Variants in CTNND2 observed in about 807,000 individuals in gnomAD.
CTNND2 encodes catenin delta 2.
CTNND2 carries 22 observed loss-of-function variants against 144.4 expected under a neutral mutation model. The observed-to-expected ratio is 0.15, with a 90% confidence interval of 0.11 to 0.22. The LOEUF (loss-of-function observed/expected upper bound fraction) is 0.22. Ranked by LOEUF, CTNND2 falls within the 10% of genes least tolerant of loss-of-function variation. The pLI is 1.00. For synonymous variants in CTNND2, 751 were observed against 695.6 expected (o/e 1.08, Z -1.25); for missense variants, 1,353 against 1,618.8 (o/e 0.84, Z 2.82).
At chr5:11,592,228 C>T (rs1779290513) in intron 2 of CTNND2, among the ~76,000 whole-genome samples, 1 of 144,400 alleles carries the variant, frequency 6.9e-6, no homozygotes, top group Admixed American at 6.9e-5. Context: ...GTCTGCCTTC[C>T]TGCCTGCCTG....
At position 11,570,731 on chromosome 5, in the gene CTNND2, A is replaced by T. The variant is rs141256327; in HGVS notation, c.175-5675T>A. 6.3e-3 allele frequency among the ~76,000 whole-genome samples: 964 copies of T among 152,030 alleles called. 4 individuals carry two copies. Among genetic ancestry groups the T allele is most frequent in the Admixed American group, 9.3e-3 (142 of 15,272 alleles). Reference sequence around the variant, plus strand: ...TATCTTGATATACCTCTATTTTTAGACATGTTTGCTGGATATTTTGTGATC... The same window carrying T: ...TATCTTGATATACCTCTATTTTTAGTCATGTTTGCTGGATATTTTGTGATC... On this transcript the variant is annotated intron_variant, in intron 2 of 21. Transcript: ENST00000304623.
Position 11,199,513 on chromosome 5 carries a change from C to A in CTNND2, c.1910G>T (p.Gly637Val). 6.2e-7 allele frequency: 1 copy of A among 1,614,210 alleles called. No homozygotes were observed. The highest frequency in any genetic ancestry group is 8.5e-7 in the Non-Finnish European group (1 of 1,180,038). ...DNKIALKNCG[G>V]IPALVRLLRK... Reference sequence around the variant, plus strand: ...GAGTAACCTCACCAGTGCTGGGATGCCACCACAGTTTTTCAGGGCAATTTT... The same window carrying A: ...GAGTAACCTCACCAGTGCTGGGATGACACCACAGTTTTTCAGGGCAATTTT... The change falls in exon 11 of 22, where the codon GGC becomes GTC. Residue 637 changes from glycine (G) to valine (V), a missense_variant. By Grantham distance (109) the Gly-to-Val change is moderately radical. Around this residue, in one of 4 missense-constraint regions of CTNND2, gnomAD observed 117 missense variants for 117.8 expected, o/e 0.99. Transcript: ENST00000304623.
intron 12 of CTNND2, among the ~76,000 whole-genome samples, chr5:11,139,964 T>C (rs1756557495): frequency 6.6e-6 from 1 of 152,204 alleles, no homozygotes; most frequent in African/African-American, 2.4e-5. Context: ...TTATGTGGTA[T>C]CACTCTGATA....
intron 1 of CTNND2, among the ~76,000 whole-genome samples, chr5:11,843,325 C>A (rs1219871744): frequency 7.1e-6 from 1 of 141,202 alleles, no homozygotes; most frequent in Non-Finnish European, 1.5e-5. Flanking sequence ...AGGTGGACAC[C>A]CAGCAGGCAA....
chr5:11,313,665 T>A (rs1345260199), intron 9 of CTNND2, among the ~76,000 whole-genome samples: 3 of 152,204 alleles, frequency 2.0e-5, no homozygotes. Flanking sequence ...GAGAATCCTG[T>A]GGTTTGCAGC....
chr5:11,324,857 T>C (rs1430560253), intron 9 of CTNND2, among the ~76,000 whole-genome samples: 2 of 152,186 alleles, frequency 1.3e-5, no homozygotes, highest in African/African-American at 4.8e-5. Flanking sequence ...GTGGCTAAGT[T>C]TGCTTCTGAA....
intron 12 of CTNND2, among the ~76,000 whole-genome samples, chr5:11,140,974 A>G (rs535370472): frequency 1.8e-4 from 28 of 151,904 alleles, no homozygotes; most frequent in African/African-American, 6.8e-4. Context: ...TATTTTTTTG[A>G]GACAGGGTCT....
intron 9 of CTNND2, among the ~76,000 whole-genome samples, chr5:11,308,158 C>T (rs1308324103): frequency 6.6e-6 from 1 of 152,030 alleles, no homozygotes; most frequent in Non-Finnish European, 1.5e-5. Context: ...AGCAGCCCAA[C>T]TGGGCTGGGA....
intron 1 of CTNND2, among the ~76,000 whole-genome samples, chr5:11,835,446 T>G (rs1212343884): frequency 6.6e-6 from 1 of 152,208 alleles, no homozygotes; most frequent in Non-Finnish European, 1.5e-5. Context: ...AGGCCTTTCT[T>G]TCTTTTTTTC....
At chr5:11,829,379 G>A (rs1793766275) in intron 1 of CTNND2, among the ~76,000 whole-genome samples, 1 of 152,170 alleles carries the variant, frequency 6.6e-6, no homozygotes, top group South Asian at 2.1e-4. Flanking sequence ...GGAGGTCTAG[G>A]AGGAAAAAGT....
At chr5:11,653,916 T>C (rs1030149021) in intron 2 of CTNND2, among the ~76,000 whole-genome samples, 1 of 152,116 alleles carries the variant, frequency 6.6e-6, no homozygotes, top group Non-Finnish European at 1.5e-5. Flanking sequence ...TTGATTTTTA[T>C]GTATGGTTTA....
At chr5:11,652,414 G>A (rs1275331414) in intron 2 of CTNND2, among the ~76,000 whole-genome samples, 2 of 152,088 alleles carry the variant, frequency 1.3e-5, no homozygotes, top group Admixed American at 1.3e-4. Context: ...TCAGTCTCAG[G>A]TGGTTCTTTA....
At chr5:11,698,074 T>C (rs1785219101) in intron 2 of CTNND2, among the ~76,000 whole-genome samples, 1 of 152,008 alleles carries the variant, frequency 6.6e-6, no homozygotes, top group Non-Finnish European at 1.5e-5. Flanking sequence ...GATTGCATAA[T>C]GGGGTAAAAG....
At chr5:11,026,683 T>C (rs1307788684) in intron 16 of CTNND2, among the ~76,000 whole-genome samples, 1 of 152,122 alleles carries the variant, frequency 6.6e-6, no homozygotes, top group Non-Finnish European at 1.5e-5. Context: ...TTTAATTTGA[T>C]TAAAAGATAT....
At chr5:11,653,384 C>G (rs1474640129) in intron 2 of CTNND2, among the ~76,000 whole-genome samples, 2 of 152,040 alleles carry the variant, frequency 1.3e-5, no homozygotes, top group Non-Finnish European at 2.9e-5. Context: ...TTCTCCTCAC[C>G]TCAGTAACAC....
intron 2 of CTNND2, among the ~76,000 whole-genome samples, chr5:11,638,868 C>G (rs570495659): frequency 6.6e-6 from 1 of 152,254 alleles, no homozygotes; most frequent in Admixed American, 6.5e-5. Flanking sequence ...GCCACTGCAC[C>G]CCGGCCATAA....
At chr5:11,376,121 C>T (rs2149787752) in intron 7 of CTNND2, among the ~76,000 whole-genome samples, 2 of 152,214 alleles carry the variant, frequency 1.3e-5, no homozygotes, top group South Asian at 4.2e-4. Flanking sequence ...ATGAATCTGC[C>T]ATCACCTTTA....
intron 12 of CTNND2, among the ~76,000 whole-genome samples, chr5:11,131,694 C>A (rs1038747219): frequency 6.6e-6 from 1 of 152,058 alleles, no homozygotes; most frequent in African/African-American, 2.4e-5. Flanking sequence ...GAGGCTGAGG[C>A]AGGAGAATGG....
At chr5:11,739,146 C>A (rs985355025) in intron 1 of CTNND2, among the ~76,000 whole-genome samples, 1 of 152,186 alleles carries the variant, frequency 6.6e-6, no homozygotes, top group Admixed American at 6.5e-5. Context: ...AGTGGAAGAT[C>A]TCCATCACTG....
Sources: allele counts gnomAD v4.1 joint callset (sites outside exome capture counted in the v4.1 genomes callset), GRCh38; gene constraint gnomAD v4.1.1; regional missense constraint gnomAD v4.1.1; transcripts MANE v1.5; gene names NCBI Gene and HGNC (gene_info 2026-07-23, HGNC 2026-07-21).